Variants in RPRD2 observed in about 807,000 individuals in gnomAD.
RPRD2 encodes the protein regulation of nuclear pre-mRNA domain-containing protein 2.
RPRD2 carries 12 observed loss-of-function variants against 104.4 expected under a neutral mutation model. The observed-to-expected ratio is 0.11, with a 90% CI of 0.07 to 0.19. RPRD2 has a LOEUF of 0.19. RPRD2 is among the 10% of genes least tolerant of loss of function. The pLI, the probability that RPRD2 is intolerant of heterozygous loss-of-function variation, is 1.00. For synonymous variants in RPRD2, 714 were observed against 684.9 expected (o/e 1.04, Z -0.66); for missense variants, 1,543 against 1,790.1 (o/e 0.86, Z 2.49).
intron 4 of RPRD2, 74 bp from the exon 5 acceptor site, chr1:150,443,157 T>C (rs1666518848): frequency 2.9e-6 from 3 of 1,017,578 alleles, no homozygotes; most frequent in Non-Finnish European, 4.5e-6. Flanking sequence ...TCTTTAACTA[T>C]AGAGCTAAAA....
rs745309502 is a variant in RPRD2 at position 150,472,521 on chromosome 1, G to T, written c.3573G>T (p.Glu1191Asp). ...FRSNSFNSTF[E>D]HHLPPSPLEH... The stretch of plus-strand genomic sequence containing the variant: ...CCAACAGTTTCAACTCAACATTTGA[G>T]CATCATCTTCCCCCATCCCCCTTGG... The change falls in exon 11 of 11, where the codon GAG becomes GAT. Residue 1191 changes from glutamate (E) to aspartate (D), a missense_variant. Transcript: ENST00000369068. 8 of 1,613,954 alleles carry T rather than the reference G, an allele frequency of 5.0e-6. No individual in the cohort carries two copies. The South Asian group carries it at 8.8e-5, about 18-fold the overall frequency.
At chr1:150,468,720 TA>T (rs1394241942) in intron 10 of RPRD2, among the ~76,000 whole-genome samples, 1 of 151,992 alleles carries the variant, frequency 6.6e-6, no homozygotes, top group African/African-American at 2.4e-5. Flanking sequence ...CTACTAAAAA[TA>T]AAAAAGTTAG....
intron 1 of RPRD2, among the ~76,000 whole-genome samples, chr1:150,380,201 TAGA>T (rs1661022461): frequency 6.6e-6 from 1 of 152,298 alleles, no homozygotes; most frequent in Admixed American, 6.5e-5. Flanking sequence ...CCAAAAGTGT[TAGA>T]AGGACATTTT....
At chr1:150,432,981 G>A (rs1665709739) in intron 2 of RPRD2, among the ~76,000 whole-genome samples, 4 of 152,006 alleles carry the variant, frequency 2.6e-5, no homozygotes, top group Admixed American at 6.6e-5. Context: ...CTGTCTCAAG[G>A]TGAGGGGGTT....
intron 10 of RPRD2, among the ~76,000 whole-genome samples, chr1:150,466,481 C>G (rs1668285352): frequency 6.7e-6 from 1 of 148,486 alleles, no homozygotes; most frequent in African/African-American, 2.5e-5. Flanking sequence ...CCCAGGAGTT[C>G]AAGGCTGCAG....
intron 1 of RPRD2, among the ~76,000 whole-genome samples, chr1:150,373,533 CTTTTTT>C (rs56743462): frequency 1.0e-5 from 1 of 97,416 alleles, no homozygotes; most frequent in Non-Finnish European, 2.0e-5. Context: ...TCAAGAATGA[CTTTTTT>C]TTTTTTTTTT....
rs1451283509 is a variant in RPRD2 at position 150,471,965 on chromosome 1, C to T, written c.3017C>T (p.Thr1006Met). ...VLASTISTTS[T>M]IEFKNMLKNA... ...GCCTCCACCATTTCCACCACGTCGA[C>T]GATTGAATTTAAGAATATGCTTAAA... Residue 1006 changes from threonine (T) to methionine (M), a missense_variant, in exon 11 of 11, where the codon ACG (threonine) becomes ATG (methionine). Physicochemically the swap from Thr to Met is moderately conservative, Grantham distance 81 (BLOSUM62 -1). Transcript: ENST00000369068. The surrounding 1 kb of genome is among the most constrained non-coding windows in gnomAD (Gnocchi z 5.3). 8 of 1,613,802 alleles carry T rather than the reference C, an allele frequency of 5.0e-6. No individual in the cohort carries two copies. Among genetic ancestry groups the T allele is most frequent in the Admixed American group, 3.3e-5 (2 of 59,986 alleles).
chr1:150,383,581 T>C (rs1487405808), intron 1 of RPRD2, among the ~76,000 whole-genome samples: 3 of 152,096 alleles, frequency 2.0e-5, no homozygotes, highest in African/African-American at 7.2e-5. Flanking sequence ...CCTCCCAACT[T>C]GCTGGGATTA....
intron 2 of RPRD2, among the ~76,000 whole-genome samples, chr1:150,435,526 T>C (rs1279423355): frequency 2.0e-5 from 3 of 152,148 alleles, no homozygotes; most frequent in Non-Finnish European, 4.4e-5. Flanking sequence ...GAAAGCAAAA[T>C]AGCTTTATTG....
At chr1:150,382,272 G>C (rs1661195658) in intron 1 of RPRD2, among the ~76,000 whole-genome samples, 1 of 152,144 alleles carries the variant, frequency 6.6e-6, no homozygotes. Context: ...TTTGGAAGCT[G>C]TTTTCCTATT....
At chr1:150,437,547 C>T (rs972565003) in intron 2 of RPRD2, among the ~76,000 whole-genome samples, 1 of 152,026 alleles carries the variant, frequency 6.6e-6, no homozygotes, top group Admixed American at 6.6e-5. Context: ...ACTTAATTGA[C>T]TATAGTATAG....
At chr1:150,389,677 C>T (rs940483116) in intron 1 of RPRD2, among the ~76,000 whole-genome samples, 3 of 152,084 alleles carry the variant, frequency 2.0e-5, no homozygotes, top group African/African-American at 7.2e-5. Context: ...GGGAGTTATG[C>T]CGTCTACCTC....
Position 150,457,446 on chromosome 1 carries a change from T to C in RPRD2, c.1029T>C (p.Gly343=). The C allele has an allele frequency of 6.2e-7, 1 of 1,613,474 alleles. No individual in the cohort carries two copies. The highest frequency in any genetic ancestry group is 1.1e-5 in the South Asian group (1 of 91,070). ...AGTCTCCTTTTCAGGGAATGGGAGG[T>C]GAGGAATCCCAGTCACCAACCATGG... ...GSESPFQGMG[G]EESQSPTMES... The change falls in exon 8 of 11, where the codon GGT becomes GGC. Residue 343 remains glycine (G), a synonymous_variant. Transcript: ENST00000369068.
At chr1:150,454,380 A>T (rs781834530) in intron 7 of RPRD2, among the ~76,000 whole-genome samples, 1 of 152,130 alleles carries the variant, frequency 6.6e-6, no homozygotes, top group Non-Finnish European at 1.5e-5. Context: ...TCCCTCTGAT[A>T]GTATTTGCCA....
chr1:150,375,959 C>T (rs1298573035), intron 1 of RPRD2, among the ~76,000 whole-genome samples: 1 of 152,088 alleles, frequency 6.6e-6, no homozygotes, highest in Non-Finnish European at 1.5e-5. Flanking sequence ...TCCACTGCCC[C>T]CACAGATATT....
chr1:150,427,429 C>T (rs1475584334), intron 2 of RPRD2, among the ~76,000 whole-genome samples: 3 of 150,960 alleles, frequency 2.0e-5, no homozygotes, highest in African/African-American at 7.3e-5. Context: ...GCCGAGATTG[C>T]CCCACTGCAC....
At chr1:150,389,690 TGAG>T (rs1307403261) in intron 1 of RPRD2, among the ~76,000 whole-genome samples, 1 of 152,244 alleles carries the variant, frequency 6.6e-6, no homozygotes, top group African/African-American at 2.4e-5. Context: ...TCTACCTCCT[TGAG>T]GAGGCAGCAT....
intron 2 of RPRD2, among the ~76,000 whole-genome samples, chr1:150,427,346 G>A (rs1260736418): frequency 6.6e-6 from 1 of 151,994 alleles, no homozygotes; most frequent in Non-Finnish European, 1.5e-5. Context: ...GGTAGCGCGT[G>A]CCTGTAGTCC....
At chr1:150,406,776 G>A (rs587636115) in intron 1 of RPRD2, among the ~76,000 whole-genome samples, 3 of 152,274 alleles carry the variant, frequency 2.0e-5, no homozygotes, top group South Asian at 4.1e-4. Context: ...GTGCAATGGC[G>A]TGATCTCGGC....
Sources: gnomAD v4.1 joint callset for allele counts (sites outside exome capture counted in the v4.1 genomes callset) on GRCh38, gnomAD v4.1.1 for gene constraint, Gnocchi (gnomAD v3.1) non-coding constraint, MANE v1.5 for transcripts, NCBI Gene and HGNC (gene_info 2026-07-23, HGNC 2026-07-21) for gene names.